Variants in PLAAT4 observed in about 807,000 individuals in gnomAD.
The protein encoded by PLAAT4 is phospholipase A and acyltransferase 4.
In PLAAT4, 12 loss-of-function variants were observed where a neutral mutation model predicts 14.1. The observed-to-expected ratio is 0.85, with a 90% confidence interval of 0.54 to 1.37. The LOEUF (loss-of-function observed/expected upper bound fraction) is 1.37, where lower values mean the gene tolerates loss of function less well. Among genes scored for constraint, PLAAT4 ranks in the 40% most tolerant of loss-of-function variants. PLAAT4 has a pLI of 0.00. For synonymous variants in PLAAT4, 77 were observed against 79.8 expected (o/e 0.96, Z 0.19); for missense variants, 163 against 211.7 (o/e 0.77, Z 1.43).
chr11:63,539,527 G>T lies in PLAAT4; in HGVS notation c.21G>T (p.Glu7Asp). 1 of 1,613,962 alleles carries T rather than the reference G, an allele frequency of 6.2e-7. No homozygotes were observed. Among genetic ancestry groups the T allele is most frequent in the African/African-American group, 1.3e-5 (1 of 75,034 alleles). Residue 7 changes from glutamate (E) to aspartate (D), a missense_variant, in exon 2 of 4, where the codon GAG (glutamate) becomes GAT (aspartate). Physicochemically the swap from Glu to Asp is conservative, Grantham distance 45. Coordinates refer to ENST00000255688, the MANE Select transcript of PLAAT4 (RefSeq NM_004585.5). Reference protein sequence around the residue: MASPHQEPKPGDLIEIF... With the variant: MASPHQDPKPGDLIEIF... ...CTTTTCTGTTGCAGCCACACCAAGAGCCCAAACCTGGAGACCTGATTGAGA... is the reference window on the plus strand; with the variant it reads ...CTTTTCTGTTGCAGCCACACCAAGATCCCAAACCTGGAGACCTGATTGAGA...
chr11:63,536,954 C>G (rs2017275404), intron 1 of PLAAT4, 77 bp downstream of exon 1: 1 of 1,528,924 alleles, frequency 6.5e-7, no homozygotes, highest in South Asian at 1.2e-5. Context: ...TCAGTCCAGG[C>G]TCCTGGCCTT....
At chr11:63,540,144 G>T (rs73490147) in intron 2 of PLAAT4, among the ~76,000 whole-genome samples, 2 of 152,196 alleles carry the variant, frequency 1.3e-5, no homozygotes, top group African/African-American at 2.4e-5. Flanking sequence ...GTTGCCTCCC[G>T]CAGCGAAGCT....
chr11:63,537,165 TGAG>T (rs2017277486), intron 1 of PLAAT4, among the ~76,000 whole-genome samples: 1 of 152,150 alleles, frequency 6.6e-6, no homozygotes, highest in Non-Finnish European at 1.5e-5. Context: ...TACCTCAGCC[TGAG>T]GAGAAGCCAG....
chr11:63,545,362 C>T, intron 3 of PLAAT4: 1 of 228,548 alleles, frequency 4.4e-6, no homozygotes, highest in Non-Finnish European at 8.7e-6. Flanking sequence ...TTTGTTGCCC[C>T]AAAACACTCA....
At chr11:63,546,103 A>C (rs1321377176) in intron 3 of PLAAT4, 46 bp from the exon 4 acceptor site, 2 of 1,529,498 alleles carry the variant, frequency 1.3e-6, no homozygotes, top group Non-Finnish European at 1.8e-6. Flanking sequence ...AGAAAGTGCC[A>C]GCCTGGCTTG....
chr11:63,539,573 C>T lies in PLAAT4; in HGVS notation c.67C>T (p.His23Tyr). The T allele has an allele frequency of 6.2e-7, 1 of 1,614,072 alleles. No individual in the cohort carries two copies. The highest frequency in any genetic ancestry group is 2.2e-5 in the East Asian group (1 of 44,888). ...LIEIFRLGYE[H>Y]WALYIGDGYV... is the part of the protein sequence containing the mutation. ...TGAGATTTTCCGCCTTGGCTATGAGCACTGGGCCCTGTATATAGGAGATGG... is the reference window on the plus strand; with the variant it reads ...TGAGATTTTCCGCCTTGGCTATGAGTACTGGGCCCTGTATATAGGAGATGG... The change falls in exon 2 of 4, where the codon CAC becomes TAC. Residue 23 changes from histidine to tyrosine, a missense_variant. By Grantham distance (83) the His-to-Tyr change is moderately conservative. Transcript: ENST00000255688.
chr11:63,538,325 A>G, intron 1 of PLAAT4: 1 of 361,306 alleles, frequency 2.8e-6, no homozygotes, highest in Non-Finnish European at 5.5e-6. Flanking sequence ...GGTTCTGAGG[A>G]GTTGGATATG....
Position 63,544,687 on chromosome 11 carries a change from G to T in PLAAT4, c.185G>T (p.Arg62Leu). 1 of 1,614,130 alleles carries T rather than the reference G, an allele frequency of 6.2e-7. No individual in the cohort carries two copies. The highest frequency in any genetic ancestry group is 8.5e-7 in the Non-Finnish European group (1 of 1,180,030). ...CTGAGCAACAGTGCAGAGGTGAAAC[G>T]GGAGCGCCTGGAAGATGTGGTGGGA... ...SVLSNSAEVKRERLEDVVGGC... is the reference protein window; with the variant it reads ...SVLSNSAEVKLERLEDVVGGC... Residue 62 changes from arginine to leucine, a missense_variant, in exon 3 of 4, where the codon CGG becomes CTG. Arg to Leu is a moderately radical substitution (Grantham distance 102). Coordinates refer to ENST00000255688, the MANE Select transcript of PLAAT4 (RefSeq NM_004585.5).
chr11:63,536,985 C>T (rs1005164612), intron 1 of PLAAT4, 108 bp downstream of exon 1: 37 of 1,334,354 alleles, frequency 2.8e-5, no homozygotes, highest in Admixed American at 4.8e-5. Context: ...CTCCAGAGCT[C>T]GTCTTTAGAA....
At chr11:63,545,278 G>C in intron 3 of PLAAT4, 1 of 439,716 alleles carries the variant, frequency 2.3e-6, no homozygotes, top group Non-Finnish European at 4.1e-6. Flanking sequence ...GTGGACCTGT[G>C]TAAGAGCTCA....
At chr11:63,542,158 T>C (rs1437677013) in intron 2 of PLAAT4, among the ~76,000 whole-genome samples, 2 of 152,208 alleles carry the variant, frequency 1.3e-5, no homozygotes, top group Non-Finnish European at 2.9e-5. Context: ...ACTGAGTATA[T>C]AAAATACAAT....
intron 3 of PLAAT4, 138 bp from the exon 4 acceptor site, chr11:63,546,010 TG>T (rs1187778032): frequency 1.1e-5 from 8 of 734,718 alleles, no homozygotes; most frequent in Non-Finnish European, 1.9e-5. Flanking sequence ...GCCAGCCAGC[TG>T]GGAGAGAAGA....
intron 3 of PLAAT4, 190 bp downstream of exon 3, chr11:63,545,079 C>A: frequency 1.3e-6 from 1 of 748,306 alleles, no homozygotes; most frequent in Non-Finnish European, 2.2e-6. Flanking sequence ...AGTTCCCTTC[C>A]CCCCAGGCCT....
chr11:63,539,950 A>C (rs2017308459), intron 2 of PLAAT4, among the ~76,000 whole-genome samples: 1 of 152,224 alleles, frequency 6.6e-6, no homozygotes, highest in Admixed American at 6.5e-5. Flanking sequence ...AACAAGAGCA[A>C]AACTTGATCT....
intron 2 of PLAAT4, among the ~76,000 whole-genome samples, chr11:63,541,566 C>G (rs2017321868): frequency 6.9e-6 from 1 of 143,994 alleles, no homozygotes; most frequent in African/African-American, 2.6e-5. Context: ...GTGTCTTACT[C>G]TGCCATCCAG....
intron 1 of PLAAT4, among the ~76,000 whole-genome samples, chr11:63,539,085 A>G (rs2017299061): frequency 6.6e-6 from 1 of 152,100 alleles, no homozygotes; most frequent in Non-Finnish European, 1.5e-5. Flanking sequence ...GGCAGGAGTG[A>G]TGAGGAACTG....
chr11:63,537,713 A>G (rs2017284125), intron 1 of PLAAT4, among the ~76,000 whole-genome samples: 1 of 152,178 alleles, frequency 6.6e-6, no homozygotes, highest in African/African-American at 2.4e-5. Flanking sequence ...CCACATGGAA[A>G]CCATCTCCTG....
At chr11:63,545,683 T>A (rs1290623793) in intron 3 of PLAAT4, among the ~76,000 whole-genome samples, 6 of 152,026 alleles carry the variant, frequency 3.9e-5, no homozygotes, top group Admixed American at 6.5e-5. Context: ...GGCACGCATA[T>A]GGCCATGGCC....
Position 63,546,229 on chromosome 11 carries a change from G to T in PLAAT4, c.468G>T (p.Arg156Ser), listed in dbSNP as rs371554112. ...LVVAGCSFAI[R>S]RYQKKATA Reference sequence around the variant, plus strand: ...TTGCTGGATGCTCTTTTGCGATTAGGAGATACCAAAAAAAAGCGACAGCCT... The same window carrying T: ...TTGCTGGATGCTCTTTTGCGATTAGTAGATACCAAAAAAAAGCGACAGCCT... Residue 156 changes from arginine to serine, a missense_variant, in exon 4 of 4, where the codon AGG (arginine) becomes AGT (serine). Transcript: ENST00000255688. 3.1e-6 allele frequency: 5 copies of T among 1,610,654 alleles called. No homozygotes were observed. The African/African-American group carries it at 5.3e-5, about 17-fold the overall frequency.
Sources: gnomAD v4.1 joint callset for allele counts (sites outside exome capture counted in the v4.1 genomes callset) on GRCh38, gnomAD v4.1.1 for gene constraint, MANE v1.5 for transcripts, NCBI Gene and HGNC (gene_info 2026-07-23, HGNC 2026-07-21) for gene names.